MAGI2: variants seen among roughly 807,000 people sequenced by gnomAD.
MAGI2 encodes the protein membrane associated guanylate kinase, WW and PDZ domain containing 2.
In MAGI2, 35 loss-of-function variants were observed where a neutral mutation model predicts 133.3. That is an observed-to-expected ratio of 0.26 (90% CI 0.20 to 0.35). MAGI2 has a LOEUF of 0.35. Among genes scored for constraint, MAGI2 ranks in the 10% least tolerant of loss-of-function variants. The probability of loss-of-function intolerance (pLI) is 1.00; values close to 1 mark genes in which losing one functional copy is unlikely to be tolerated. For missense variants in MAGI2, 1,636 were observed against 1,863.4 expected (o/e 0.88, Z 2.25); for synonymous variants, 729 against 710.6 (o/e 1.03, Z -0.41).
At chr7:78,648,489 T>C (rs753102022) in intron 2 of MAGI2, among the ~76,000 whole-genome samples, 1 of 152,212 alleles carries the variant, frequency 6.6e-6, no homozygotes, top group Non-Finnish European at 1.5e-5. Context: ...TTCACCATCT[T>C]ATCCAACACT....
chr7:78,085,740 T>A (rs899978110), intron 20 of MAGI2, among the ~76,000 whole-genome samples: 4 of 151,722 alleles, frequency 2.6e-5, no homozygotes, highest in Admixed American at 2.6e-4. Context: ...GTCACAAAGG[T>A]GAGGGGAAAA....
intron 1 of MAGI2, among the ~76,000 whole-genome samples, chr7:79,312,241 G>T (rs950956642): frequency 6.6e-6 from 1 of 152,164 alleles, no homozygotes; most frequent in Non-Finnish European, 1.5e-5. Flanking sequence ...CAGGACACAA[G>T]TTAAGACAAG....
At chr7:78,385,007 A>C (rs567262300) in intron 6 of MAGI2, among the ~76,000 whole-genome samples, 1 of 152,322 alleles carries the variant, frequency 6.6e-6, no homozygotes, top group African/African-American at 2.4e-5. Flanking sequence ...TGGTAACATC[A>C]GTTTTGCTTT....
At chr7:78,830,138 G>A (rs184531082) in intron 2 of MAGI2, among the ~76,000 whole-genome samples, 1 of 151,974 alleles carries the variant, frequency 6.6e-6, no homozygotes, top group East Asian at 1.9e-4. Context: ...AAGATTCCAA[G>A]CAATTTTATA....
At chr7:78,268,910 T>C (rs1282574179) in intron 9 of MAGI2, among the ~76,000 whole-genome samples, 1 of 152,124 alleles carries the variant, frequency 6.6e-6, no homozygotes, top group African/African-American at 2.4e-5. Flanking sequence ...ACATTAGGTA[T>C]TTCTCCTAAT....
At chr7:78,441,423 A>G (rs1352240749) in intron 6 of MAGI2, among the ~76,000 whole-genome samples, 1 of 152,176 alleles carries the variant, frequency 6.6e-6, no homozygotes, top group African/African-American at 2.4e-5. Context: ...TTCAATTTCC[A>G]CAGATACATA....
chr7:78,584,209 C>T (rs147274524), intron 3 of MAGI2, among the ~76,000 whole-genome samples: 2,166 of 152,190 alleles, frequency 0.014, 49 homozygotes, highest in African/African-American at 0.049. Flanking sequence ...ATCACAAGGT[C>T]AAGAGTTCGA....
chr7:78,531,541 C>T (rs1052930670), intron 3 of MAGI2, among the ~76,000 whole-genome samples: 5 of 152,164 alleles, frequency 3.3e-5, no homozygotes, highest in Admixed American at 6.5e-5. Context: ...GTCTAGTGAG[C>T]TCAATGCTTA....
intron 6 of MAGI2, among the ~76,000 whole-genome samples, chr7:78,384,126 T>C (rs1039215750): frequency 2.0e-5 from 3 of 152,196 alleles, no homozygotes; most frequent in Admixed American, 2.0e-4. Context: ...TCTAATTCTA[T>C]GAAGAATGAC....
intron 20 of MAGI2, among the ~76,000 whole-genome samples, chr7:78,079,986 T>C (rs2151188838): frequency 6.6e-6 from 1 of 152,328 alleles, no homozygotes; most frequent in East Asian, 1.9e-4. Context: ...ACGAGTTGCT[T>C]TGCAAAAATG....
chr7:78,218,004 C>T (rs1307866353), intron 10 of MAGI2, among the ~76,000 whole-genome samples: 2 of 152,130 alleles, frequency 1.3e-5, no homozygotes, highest in Admixed American at 6.6e-5. Flanking sequence ...AGTTGGAGAC[C>T]CTCTGATGTC....
intron 1 of MAGI2, among the ~76,000 whole-genome samples, chr7:79,368,525 G>A (rs772333980): frequency 6.6e-6 from 1 of 152,092 alleles, no homozygotes; most frequent in Non-Finnish European, 1.5e-5. Flanking sequence ...ACTTATCACT[G>A]GATTTAAAGA....
intron 3 of MAGI2, 56 bp downstream of exon 3, chr7:78,627,064 C>T (rs918399057): frequency 6.6e-6 from 10 of 1,506,120 alleles, no homozygotes; most frequent in South Asian, 2.8e-5. Flanking sequence ...GCATTTCCAT[C>T]GAATGAGAAA....
chr7:78,741,423 ACACACG>A (rs1163426345), intron 2 of MAGI2, among the ~76,000 whole-genome samples: 7 of 102,604 alleles, frequency 6.8e-5, no homozygotes, highest in African/African-American at 2.5e-4. Flanking sequence ...ACACACACAC[ACACACG>A]GGAGGGGGGT....
Position 79,035,735 on chromosome 7 carries a change from C to G in MAGI2, c.302-28529G>C, listed in dbSNP as rs181207537. Among the ~76,000 whole-genome samples, 368 of 152,142 alleles carry G rather than the reference C, an allele frequency of 2.4e-3. 2 individuals are homozygous for G. The highest frequency in any genetic ancestry group is 6.9e-3 in the Middle Eastern group (2 of 288). ...TTAATTTCTTATATTAAGACTTTTC[C>G]CTACAAATAATATAGAATTTCTGAT... On this transcript the variant is annotated intron_variant, in intron 1 of 21. Coordinates refer to ENST00000354212, the MANE Select transcript of MAGI2 (RefSeq NM_012301.4).
intron 6 of MAGI2, among the ~76,000 whole-genome samples, chr7:78,482,770 G>T (rs1416075505): frequency 6.6e-6 from 1 of 151,594 alleles, no homozygotes; most frequent in Non-Finnish European, 1.5e-5. Context: ...AGATAAGCAT[G>T]GCTATGAAGG....
chr7:79,005,447 C>T (rs1584647207), intron 2 of MAGI2, among the ~76,000 whole-genome samples: 1 of 152,112 alleles, frequency 6.6e-6, no homozygotes, highest in Non-Finnish European at 1.5e-5. Context: ...ACTTTTCCTT[C>T]GTAGTCTTCT....
chr7:78,882,637 T>C (rs1203257102), intron 2 of MAGI2, among the ~76,000 whole-genome samples: 1 of 151,800 alleles, frequency 6.6e-6, no homozygotes, highest in Non-Finnish European at 1.5e-5. Context: ...AAAATCAATG[T>C]GCACATCAAA....
chr7:78,632,648 A>AT (rs1809142756), intron 2 of MAGI2, among the ~76,000 whole-genome samples: 1 of 152,210 alleles, frequency 6.6e-6, no homozygotes, highest in African/African-American at 2.4e-5. Flanking sequence ...TATCAAAATC[A>AT]TTTTCAAAGG....
Sources: gnomAD v4.1 joint callset for allele counts (sites outside exome capture counted in the v4.1 genomes callset) on GRCh38, gnomAD v4.1.1 for gene constraint, MANE v1.5 for transcripts, NCBI Gene and HGNC (gene_info 2026-07-23, HGNC 2026-07-21) for gene names.